Variants in CCND3 observed in about 807,000 individuals in gnomAD.
CCND3 encodes the protein cyclin D3.
A neutral mutation model predicts 28.7 loss-of-function variants in CCND3; 9 were observed. The ratio of observed to expected loss-of-function variants is 0.31; its 90% CI spans 0.19 to 0.55. CCND3 has a LOEUF of 0.55. Among genes scored for constraint, CCND3 ranks in the 20% least tolerant of loss-of-function variants. CCND3 has a pLI of 0.93. For missense variants in CCND3, 315 were observed against 385.8 expected (o/e 0.82, Z 1.54); for synonymous variants, 164 against 163.9 (o/e 1.00, Z 0.00).
intron 1 of CCND3, among the ~76,000 whole-genome samples, chr6:41,980,035 C>CACACACACACACACAT (rs1337473570): frequency 6.6e-6 from 1 of 151,814 alleles, no homozygotes; most frequent in Non-Finnish European, 1.5e-5. Context: ...CACACACACA[C>CACACACACACACACAT]AATCAAACCT....
Position 41,940,562 on chromosome 6 carries a change from C to T in CCND3, c.222G>A (p.Glu74=). ...TCATGGCCAGGGGGAAGACTTCCTC[C>T]TCACAGCGCTGCTCCTCACATACCT... The part of the protein sequence containing the change: ...MLEVCEEQRC[E]EEVFPLAMNY... The change falls in exon 2 of 5, where the codon GAG becomes GAA. Residue 74 remains glutamate, a synonymous_variant. Transcript: ENST00000372991. 9.3e-6 allele frequency: 15 copies of T among 1,613,712 alleles called. No individual in the cohort carries two copies. Among genetic ancestry groups the T allele is most frequent in the Non-Finnish European group, 1.3e-5 (15 of 1,179,862 alleles).
At chr6:41,963,166 G>C (rs1761768487) in intron 1 of CCND3, among the ~76,000 whole-genome samples, 1 of 152,130 alleles carries the variant, frequency 6.6e-6, no homozygotes, top group African/African-American at 2.4e-5. Flanking sequence ...GCCCAGCATT[G>C]ATGCTTTTGC....
upstream of CCND3, among the ~76,000 whole-genome samples, chr6:41,945,071 A>G (rs1776135418): frequency 6.6e-6 from 1 of 152,192 alleles, no homozygotes; most frequent in African/African-American, 2.4e-5. Flanking sequence ...GGCCAATAGT[A>G]TGAGGAGTTT....
At chr6:42,026,179 C>T (rs1763870935) in intron 1 of CCND3, among the ~76,000 whole-genome samples, 1 of 152,166 alleles carries the variant, frequency 6.6e-6, no homozygotes, top group Non-Finnish European at 1.5e-5. Flanking sequence ...CCTGCCTCGA[C>T]CCTGCTCACA....
chr6:41,936,264 A>G lies in CCND3; in HGVS notation c.712-157T>C. On this transcript the variant is annotated intron_variant, in intron 4 of 4. Coordinates refer to ENST00000372991, the MANE Select transcript of CCND3 (RefSeq NM_001760.5). This position sits in a 1 kb window ranked among gnomAD's most constrained non-coding sequence, Gnocchi z 4.4. ...GCTCTTTAGTTCTCAGAAACTAGCA[A>G]GAGGATGTGGCAAGGGAGTGTGAGA... 1.2e-6 allele frequency: 1 copy of G among 812,510 alleles called. No individual in the cohort carries two copies. Among genetic ancestry groups the G allele is most frequent in the Non-Finnish European group, 1.9e-6 (1 of 531,002 alleles). The allele number at this position is 812,510 out of a possible 1,614,324, so 50.3% of individuals were successfully genotyped here.
At chr6:42,035,877 C>T (rs921047416) in intron 1 of CCND3, among the ~76,000 whole-genome samples, 5 of 151,782 alleles carry the variant, frequency 3.3e-5, no homozygotes, top group African/African-American at 1.2e-4. Context: ...GGGGTTTCAC[C>T]ATTTTGGCCA....
intron 1 of CCND3, among the ~76,000 whole-genome samples, chr6:41,978,574 G>C (rs1762245129): frequency 6.6e-6 from 1 of 151,976 alleles, no homozygotes; most frequent in Non-Finnish European, 1.5e-5. Flanking sequence ...AAAACTACCT[G>C]AGTTGAAAAG....
chr6:42,027,624 G>A (rs1763917667), intron 1 of CCND3, among the ~76,000 whole-genome samples: 1 of 152,080 alleles, frequency 6.6e-6, no homozygotes, highest in Non-Finnish European at 1.5e-5. Flanking sequence ...TGGGGAAGGT[G>A]GTAAGGAGGG....
chr6:42,047,212 C>T (rs1468344419), intron 1 of CCND3, among the ~76,000 whole-genome samples: 1 of 152,202 alleles, frequency 6.6e-6, no homozygotes, highest in Non-Finnish European at 1.5e-5. Context: ...TAGAACTCTG[C>T]TACAATTATC....
At chr6:41,954,250 T>TTAAAAA (rs1776383417) in intron 1 of CCND3, among the ~76,000 whole-genome samples, 1 of 35,148 alleles carries the variant, frequency 2.8e-5, no homozygotes, top group African/African-American at 1.3e-4. Flanking sequence ...GATTCTGCCT[T>TTAAAAA]AAAAAAAAAA....
intron 1 of CCND3, among the ~76,000 whole-genome samples, chr6:42,000,873 A>G (rs963481559): frequency 6.6e-6 from 1 of 151,876 alleles, no homozygotes; most frequent in African/African-American, 2.4e-5. Context: ...CCATGAAACA[A>G]ATCTTTAATG....
intron 1 of CCND3, among the ~76,000 whole-genome samples, chr6:41,981,522 C>CTATT (rs1451395212): frequency 1.7e-4 from 24 of 144,320 alleles, no homozygotes; most frequent in African/African-American, 4.8e-4. Context: ...CACGCCCAGC[C>CTATT]TATTTATTTA....
At chr6:42,029,165 T>A (rs979278302) in intron 1 of CCND3, among the ~76,000 whole-genome samples, 1 of 149,992 alleles carries the variant, frequency 6.7e-6, no homozygotes, top group Non-Finnish European at 1.5e-5. Flanking sequence ...TTTTTTTTTA[T>A]TATTTTTTAG....
chr6:42,035,584 G>A (rs1764180658), intron 1 of CCND3, among the ~76,000 whole-genome samples: 1 of 151,514 alleles, frequency 6.6e-6, no homozygotes, highest in African/African-American at 2.4e-5. Flanking sequence ...AGCCAGGATG[G>A]TCTCGATCTC....
chr6:41,983,739 G>A (rs919323246), intron 1 of CCND3, among the ~76,000 whole-genome samples: 3 of 151,978 alleles, frequency 2.0e-5, no homozygotes, highest in Admixed American at 6.6e-5. Context: ...AGGAAGCTGC[G>A]GGAAGCTCAG....
At chr6:41,969,995 G>C (rs975151662) in intron 1 of CCND3, among the ~76,000 whole-genome samples, 3 of 152,036 alleles carry the variant, frequency 2.0e-5, no homozygotes, top group Non-Finnish European at 4.4e-5. Flanking sequence ...CTTAAGCCCA[G>C]GAGTTCAAGT....
intron 1 of CCND3, among the ~76,000 whole-genome samples, chr6:42,004,622 C>T (rs1763126035): frequency 6.6e-6 from 1 of 152,022 alleles, no homozygotes; most frequent in Non-Finnish European, 1.5e-5. Context: ...ATCCCAGCTA[C>T]TCGGAGGCTG....
chr6:41,939,108 G>A lies in CCND3; in HGVS notation c.414+1262C>T, dbSNP rs763643158. ...GGAAACTAGCTCCACCTTCAGACTT[G>A]CCAAAAACTACCAGATTCATCACAA... On this transcript the variant is annotated intron_variant, in intron 2 of 4. Transcript: ENST00000372991. The surrounding 1 kb of genome is among the most constrained non-coding windows in gnomAD (Gnocchi z 4.2). 5.9e-5 allele frequency among the ~76,000 whole-genome samples: 9 copies of A among 152,096 alleles called. No individual in the cohort carries two copies. Among genetic ancestry groups the A allele is most frequent in the Admixed American group, 2.6e-4 (4 of 15,272 alleles).
intron 1 of CCND3, chr6:42,031,387 A>C (rs4711703): frequency 0.55 from 83,495 of 151,978 alleles, 23,350 homozygotes; most frequent in East Asian, 0.83. Flanking sequence ...GCAGGGCTGG[A>C]AGATAGTGCA....
Sources: allele counts gnomAD v4.1 joint callset (sites outside exome capture counted in the v4.1 genomes callset), GRCh38; gene constraint gnomAD v4.1.1; non-coding constraint Gnocchi (gnomAD v3.1); transcripts MANE v1.5; gene names NCBI Gene and HGNC (gene_info 2026-07-23, HGNC 2026-07-21).